Variants in IFI16 observed in about 807,000 individuals in gnomAD.
IFI16 encodes the protein interferon gamma inducible protein 16.
A neutral mutation model predicts 68.4 loss-of-function variants in IFI16; 49 were observed. The ratio of observed to expected loss-of-function variants is 0.72; its 90% confidence interval spans 0.57 to 0.91. IFI16 has a LOEUF of 0.91. IFI16 is among the 40% of genes least tolerant of loss of function. The probability of loss-of-function intolerance (pLI) is 0.00; values close to 1 mark genes in which losing one functional copy is unlikely to be tolerated. For missense variants in IFI16, 878 were observed against 942.9 expected, an observed-to-expected ratio of 0.93 and a Z score of 0.90; for synonymous variants, 307 against 315.0, an observed-to-expected ratio of 0.97 and a Z score of 0.27.
At chr1:159,054,711 A>AAT in intron 11 of IFI16, 110 bp from the exon 12 acceptor site, 1 of 591,166 alleles carries the variant, frequency 1.7e-6, no homozygotes, top group South Asian at 2.3e-5. Context: ...TTTAGAAAGG[A>AAT]ATAGGGGAAG....
chr1:159,034,518 C>T (rs1654202242), intron 7 of IFI16, among the ~76,000 whole-genome samples: 1 of 152,138 alleles, frequency 6.6e-6, no homozygotes, highest in Admixed American at 6.6e-5. Context: ...CGTTCATGAC[C>T]ACATTCCAGG....
chr1:159,035,792 A>G (rs1215731504), intron 7 of IFI16, among the ~76,000 whole-genome samples: 1 of 152,056 alleles, frequency 6.6e-6, no homozygotes, highest in Non-Finnish European at 1.5e-5. Flanking sequence ...AAAGCAAGAA[A>G]CATAAATTGA....
At chr1:159,019,039 A>T (rs1262693019) in intron 5 of IFI16, among the ~76,000 whole-genome samples, 1 of 152,146 alleles carries the variant, frequency 6.6e-6, no homozygotes, top group Non-Finnish European at 1.5e-5. Flanking sequence ...TTTTATTTTG[A>T]ATGAAGTATT....
At chr1:159,034,120 C>T (rs188498003) in intron 7 of IFI16, among the ~76,000 whole-genome samples, 53 of 152,244 alleles carry the variant, frequency 3.5e-4, no homozygotes, top group Admixed American at 3.9e-4. Context: ...ATGCAGACTA[C>T]AAAACAGCAG....
At chr1:159,016,428 AGAAACATCTTCTTAG>A (rs1652926181) in intron 3 of IFI16, 90 bp from the exon 4 acceptor site, 9 of 1,097,180 alleles carry the variant, frequency 8.2e-6, no homozygotes, top group Non-Finnish European at 1.2e-5. Context: ...CAAGTTTCCA[AGAAACATCTTCTTAG>A]GAATAATAAA....
At chr1:159,034,626 C>A (rs950693383) in intron 7 of IFI16, among the ~76,000 whole-genome samples, 2 of 152,154 alleles carry the variant, frequency 1.3e-5, no homozygotes, top group Admixed American at 6.5e-5. Context: ...TCTTCTTGAA[C>A]CCAACTCTCC....
chr1:159,053,293 A>AT, intron 10 of IFI16: 7 of 352,808 alleles, frequency 2.0e-5, no homozygotes, highest in East Asian at 9.1e-5. Context: ...AAAGTAATCA[A>AT]TTTTTTTTCC....
At chr1:159,036,243 C>G (rs1276068270) in intron 7 of IFI16, among the ~76,000 whole-genome samples, 1 of 152,176 alleles carries the variant, frequency 6.6e-6, no homozygotes, top group African/African-American at 2.4e-5. Context: ...ATGATTGATG[C>G]TATTCTCAGC....
chr1:159,035,857 A>G (rs1654297788), intron 7 of IFI16, among the ~76,000 whole-genome samples: 1 of 152,022 alleles, frequency 6.6e-6, no homozygotes, highest in Non-Finnish European at 1.5e-5. Flanking sequence ...AAAAAAAATT[A>G]CATAGTGATT....
chr1:159,037,422 C>T (rs1654394521), intron 7 of IFI16, among the ~76,000 whole-genome samples: 2 of 152,122 alleles, frequency 1.3e-5, no homozygotes, highest in African/African-American at 2.4e-5. Flanking sequence ...TGGTTTCTCC[C>T]GAAGATTTTG....
At chr1:159,019,767 C>T (rs2101828641) in intron 5 of IFI16, among the ~76,000 whole-genome samples, 1 of 152,240 alleles carries the variant, frequency 6.6e-6, no homozygotes, top group East Asian at 1.9e-4. Context: ...CCTATATACA[C>T]ACTCTTAAAG....
At chr1:159,052,848 T>G (rs893169953) in intron 10 of IFI16, 1 of 152,364 alleles carries the variant, frequency 6.6e-6, no homozygotes, top group African/African-American at 2.4e-5. Flanking sequence ...CTTAGCTGAT[T>G]TAACTTCTTG....
At chr1:159,006,002 G>C (rs1652242369), upstream of IFI16, 1 of 152,306 alleles carries the variant, frequency 6.6e-6, no homozygotes, top group Non-Finnish European at 1.5e-5. Context: ...GCGAGGTGGA[G>C]ATCTGACTTC....
intron 7 of IFI16, among the ~76,000 whole-genome samples, chr1:159,039,109 T>G (rs554297450): frequency 1.3e-5 from 2 of 152,252 alleles, no homozygotes; most frequent in African/African-American, 4.8e-5. Flanking sequence ...CTTAACCAAG[T>G]TGGCCTAGAT....
intron 1 of IFI16, among the ~76,000 whole-genome samples, chr1:159,014,165 T>G (rs527728596): frequency 6.6e-6 from 1 of 151,474 alleles, no homozygotes; most frequent in Non-Finnish European, 1.5e-5. Context: ...TAGGGAAGAG[T>G]CAAGGAGAAT....
In IFI16 at chr1:159,051,928, A is replaced by G; in HGVS notation, c.1915A>G (p.Asn639Asp). 6.2e-7 allele frequency: 1 copy of G among 1,614,104 alleles called. No individual in the cohort carries two copies. Among genetic ancestry groups the G allele is most frequent in the Non-Finnish European group, 8.5e-7 (1 of 1,179,976 alleles). Residue 639 changes from asparagine to aspartate, a missense_variant, in exon 10 of 12, where the codon AAT becomes GAT. Physicochemically the swap from Asn to Asp is conservative, Grantham distance 23 (BLOSUM62 1). Transcript: ENST00000295809. ...TGCCATAGCAAATTATGTTTGCCGC[A>G]ATGGGTTCCTGGAGGTATATCCTTT... ...IIAIANYVCR[N>D]GFLEVYPFTL...
upstream of IFI16, among the ~76,000 whole-genome samples, chr1:159,009,468 C>T (rs1388353099): frequency 2.6e-5 from 4 of 152,240 alleles, no homozygotes; most frequent in Admixed American, 2.6e-4. Context: ...CCAAGATCTC[C>T]TCCTGCCACT....
chr1:159,018,440 A>G lies in IFI16; in HGVS notation c.761A>G (p.Asn254Ser), dbSNP rs758982753. Reference sequence around the variant, plus strand: ...AACACCAGCTTGAAGGAGAAATTCAATGGAAAGAAAATCATCATCATATCA... The same window carrying G: ...AACACCAGCTTGAAGGAGAAATTCAGTGGAAAGAAAATCATCATCATATCA... The part of the protein sequence containing the change: ...VLNTSLKEKF[N>S]GKKIIIISDY... Residue 254 changes from asparagine to serine, a missense_variant, in exon 5 of 12, where the codon AAT becomes AGT. Physicochemically the swap from Asn to Ser is conservative, Grantham distance 46 (BLOSUM62 1). Transcript: ENST00000295809. 1.9e-5 allele frequency: 30 copies of G among 1,613,662 alleles called. No individual in the cohort carries two copies. The highest frequency in any genetic ancestry group is 1.4e-4 in the South Asian group (13 of 91,088).
At chr1:159,038,111 T>A (rs926554524) in intron 7 of IFI16, among the ~76,000 whole-genome samples, 1 of 152,176 alleles carries the variant, frequency 6.6e-6, no homozygotes, top group Non-Finnish European at 1.5e-5. Flanking sequence ...CTAGTTTTAG[T>A]CAAGTAAAAA....
Sources: allele counts gnomAD v4.1 joint callset (sites outside exome capture counted in the v4.1 genomes callset), GRCh38; gene constraint gnomAD v4.1.1; transcripts MANE v1.5; gene names NCBI Gene and HGNC (gene_info 2026-07-23, HGNC 2026-07-21).